ADGRB3: variants seen among roughly 807,000 people sequenced by gnomAD.
ADGRB3 encodes brain-specific angiogenesis inhibitor 3.
In ADGRB3, 37 loss-of-function variants were observed where a neutral mutation model predicts 193.4. The ratio of observed to expected loss-of-function variants is 0.19; its 90% CI spans 0.15 to 0.25. The LOEUF is 0.25. Among genes scored for constraint, ADGRB3 ranks in the 10% least tolerant of loss-of-function variants. ADGRB3 has a pLI of 1.00. For missense variants in ADGRB3, 1,637 were observed against 1,852.9 expected (o/e 0.88, Z 2.14); for synonymous variants, 690 against 644.2 (o/e 1.07, Z -1.08).
intron 20 of ADGRB3, among the ~76,000 whole-genome samples, chr6:69,241,028 C>A (rs1766373374): frequency 6.7e-6 from 1 of 148,336 alleles, no homozygotes; most frequent in South Asian, 2.1e-4. Flanking sequence ...AGTTATACCT[C>A]CCCTTAGACT....
intron 3 of ADGRB3, among the ~76,000 whole-genome samples, chr6:68,860,938 G>A (rs143052102): frequency 3.7e-4 from 57 of 152,216 alleles, no homozygotes; most frequent in African/African-American, 1.3e-3. Flanking sequence ...GTGGTAGTTT[G>A]TTAAAAGTTA....
At chr6:69,177,293 C>T (rs1228385002) in intron 17 of ADGRB3, among the ~76,000 whole-genome samples, 1 of 151,820 alleles carries the variant, frequency 6.6e-6, no homozygotes, top group Non-Finnish European at 1.5e-5. Context: ...CTTAATACTG[C>T]TTTTGCTGTA....
intron 20 of ADGRB3, among the ~76,000 whole-genome samples, chr6:69,322,212 C>A (rs1768471217): frequency 6.6e-6 from 1 of 151,946 alleles, no homozygotes; most frequent in African/African-American, 2.4e-5. Flanking sequence ...CATAGTATTC[C>A]ATGTTGCATA....
At chr6:68,876,319 G>A (rs1236404619) in intron 3 of ADGRB3, among the ~76,000 whole-genome samples, 1 of 152,028 alleles carries the variant, frequency 6.6e-6, no homozygotes. Flanking sequence ...TGAAACTGAA[G>A]CGTATTAGTC....
intron 10 of ADGRB3, among the ~76,000 whole-genome samples, chr6:68,985,870 T>C (rs1445608664): frequency 6.6e-6 from 1 of 152,158 alleles, no homozygotes; most frequent in African/African-American, 2.4e-5. Flanking sequence ...CTTAGTGCTC[T>C]GCTTCTGATT....
chr6:69,325,854 T>A (rs1173229616), intron 21 of ADGRB3, among the ~76,000 whole-genome samples: 1 of 152,186 alleles, frequency 6.6e-6, no homozygotes, highest in Admixed American at 6.5e-5. Context: ...GTCTATTATG[T>A]CTAGCTAATA....
intron 17 of ADGRB3, among the ~76,000 whole-genome samples, chr6:69,155,607 A>G (rs2150342777): frequency 6.6e-6 from 1 of 152,366 alleles, no homozygotes; most frequent in Non-Finnish European, 1.5e-5. Context: ...ATAGGGAATT[A>G]AGAGCTGCCA....
chr6:69,135,614 G>A (rs574723099), intron 17 of ADGRB3, among the ~76,000 whole-genome samples: 9 of 151,920 alleles, frequency 5.9e-5, no homozygotes, highest in East Asian at 5.8e-4. Flanking sequence ...CAAAAAAGCC[G>A]GCAAGTTAAA....
chr6:69,018,575 A>T (rs2150287300), intron 13 of ADGRB3, 76 bp downstream of exon 13: 2 of 881,768 alleles, frequency 2.3e-6, no homozygotes, highest in Non-Finnish European at 3.6e-6. Flanking sequence ...TACGTTTCCA[A>T]GTATAATATT....
chr6:69,290,751 A>G (rs1052427244), intron 20 of ADGRB3, among the ~76,000 whole-genome samples: 1 of 152,198 alleles, frequency 6.6e-6, no homozygotes, highest in Non-Finnish European at 1.5e-5. Context: ...CCATATGTCT[A>G]TCATATATAG....
At chr6:69,258,716 T>C (rs1320252561) in intron 20 of ADGRB3, among the ~76,000 whole-genome samples, 1 of 152,202 alleles carries the variant, frequency 6.6e-6, no homozygotes, top group Non-Finnish European at 1.5e-5. Flanking sequence ...TGGAAAAGTA[T>C]ACCAAGACAG....
In ADGRB3 at chr6:68,757,884, G is replaced by A. The variant is rs148700495; in HGVS notation, c.757+118452G>A. 2.8e-4 allele frequency among the ~76,000 whole-genome samples: 43 copies of A among 152,076 alleles called. No individual in the cohort carries two copies. The East Asian group carries it at 7.7e-3, about 27-fold the overall frequency. On this transcript the variant is annotated intron_variant, in intron 3 of 31. Coordinates refer to ENST00000370598, the MANE Select transcript of ADGRB3 (RefSeq NM_001704.3). ...ATTACCATTGACCTTTAAAATTACTGATTTCAGTATCTATTCACAGTATTT... is the reference window on the plus strand; with the variant it reads ...ATTACCATTGACCTTTAAAATTACTAATTTCAGTATCTATTCACAGTATTT...
intron 28 of ADGRB3, among the ~76,000 whole-genome samples, chr6:69,358,933 A>T (rs1209436227): frequency 4.6e-5 from 7 of 150,784 alleles, no homozygotes; most frequent in African/African-American, 1.7e-4. Flanking sequence ...ATATATATAT[A>T]TATTTTTTTT....
chr6:69,219,368 G>A (rs1765839771), intron 17 of ADGRB3, among the ~76,000 whole-genome samples: 2 of 149,282 alleles, frequency 1.3e-5, no homozygotes, highest in Non-Finnish European at 1.5e-5. Flanking sequence ...CTTTATATCA[G>A]TAACAGTCAC....
intron 15 of ADGRB3, among the ~76,000 whole-genome samples, chr6:69,051,320 T>A (rs2150303097): frequency 6.6e-6 from 1 of 152,282 alleles, no homozygotes; most frequent in East Asian, 1.9e-4. Context: ...AATGTGGTAA[T>A]TGAACTTAAA....
rs140095141 is a variant in ADGRB3 at position 68,930,604 on chromosome 6, G to T, written c.803G>T (p.Arg268Leu). Residue 268 changes from arginine to leucine, a missense_variant, in exon 4 of 32, where the codon CGA becomes CTA. Physicochemically the swap from Arg to Leu is moderately radical, Grantham distance 102. Around this residue, in one of 7 missense-constraint regions of ADGRB3, gnomAD observed 365 missense variants for 409.8 expected, o/e 0.89. Coordinates refer to ENST00000370598, the MANE Select transcript of ADGRB3 (RefSeq NM_001704.3). ...GDHTIKSQRP[R>L]SVHEKRVPQE... ...CATACAATTAAAAGTCAGCGACCTC[G>T]ATCTGTTCATGAAAAAAGGGTCCCT... is the stretch of plus-strand genomic sequence containing the variant. 6.2e-7 allele frequency: 1 copy of T among 1,612,584 alleles called. No homozygotes were observed.
chr6:69,215,159 A>G (rs1346534651), intron 17 of ADGRB3, among the ~76,000 whole-genome samples: 1 of 152,172 alleles, frequency 6.6e-6, no homozygotes, highest in Non-Finnish European at 1.5e-5. Context: ...CCTGCAGTAG[A>G]TGCAGTGTCA....
chr6:68,748,387 A>G (rs1048496670), intron 3 of ADGRB3, among the ~76,000 whole-genome samples: 4 of 152,216 alleles, frequency 2.6e-5, no homozygotes, highest in African/African-American at 9.6e-5. Context: ...TATTTGTCAA[A>G]TATAGCCATT....
intron 13 of ADGRB3, among the ~76,000 whole-genome samples, chr6:69,038,561 T>G (rs1051257917): frequency 6.6e-6 from 1 of 152,212 alleles, no homozygotes; most frequent in African/African-American, 2.4e-5. Context: ...ACATTTTATT[T>G]TGTGTTCATG....
Sources: gnomAD v4.1 joint callset for allele counts (sites outside exome capture counted in the v4.1 genomes callset) on GRCh38, gnomAD v4.1.1 for gene constraint, gnomAD v4.1.1 regional missense constraint, MANE v1.5 for transcripts, NCBI Gene and HGNC (gene_info 2026-07-23, HGNC 2026-07-21) for gene names.